The following CSMD3 variants were observed in gnomAD, a reference collection of about 807,000 sequenced individuals.
CSMD3 encodes the protein CUB and Sushi multiple domains 3, also known as CUB and sushi domain-containing protein 3.
In CSMD3, 177 loss-of-function variants were observed where a neutral mutation model predicts 435.2. The ratio of observed to expected loss-of-function variants is 0.41; its 90% CI spans 0.36 to 0.46. The LOEUF (loss-of-function observed/expected upper bound fraction) is 0.46, where lower values mean the gene tolerates loss of function less well. Among genes scored for constraint, CSMD3 ranks in the 20% least tolerant of loss-of-function variants. The probability of loss-of-function intolerance (pLI) is 0.34; values close to 1 mark genes in which losing one functional copy is unlikely to be tolerated. For missense variants in CSMD3, 4,265 were observed against 4,504.6 expected (o/e 0.95, Z 1.52); for synonymous variants, 1,656 against 1,520.5 (o/e 1.09, Z -2.07).
At chr8:112,598,775 T>C (rs1204726688) in intron 22 of CSMD3, among the ~76,000 whole-genome samples, 2 of 152,056 alleles carry the variant, frequency 1.3e-5, no homozygotes, top group African/African-American at 2.4e-5. Context: ...GGGAAAGGAT[T>C]CCCTATTTAA....
At chr8:112,745,835 C>T (rs1164239617) in intron 13 of CSMD3, among the ~76,000 whole-genome samples, 2 of 151,920 alleles carry the variant, frequency 1.3e-5, no homozygotes, top group Non-Finnish European at 2.9e-5. Context: ...CTTTAAATGT[C>T]TAACATAACT....
chr8:113,008,888 G>GA (rs1233852870), intron 6 of CSMD3, among the ~76,000 whole-genome samples: 2 of 150,670 alleles, frequency 1.3e-5, no homozygotes, highest in Non-Finnish European at 1.5e-5. Context: ...TATTCCCATA[G>GA]AAAAAAATCA....
At chr8:112,573,466 A>G (rs1829695329) in intron 24 of CSMD3, 35 bp downstream of exon 24, 2 of 1,546,108 alleles carry the variant, frequency 1.3e-6, no homozygotes, top group South Asian at 2.2e-5. Context: ...GCAGCACCCC[A>G]GTGTTTGGCC....
At chr8:113,269,023 A>G (rs569229135) in intron 3 of CSMD3, among the ~76,000 whole-genome samples, 2 of 152,282 alleles carry the variant, frequency 1.3e-5, no homozygotes, top group East Asian at 3.9e-4. Flanking sequence ...CTGGAATCCA[A>G]GATAATTGCA....
At chr8:113,422,040 T>C (rs1431879893) in intron 1 of CSMD3, among the ~76,000 whole-genome samples, 1 of 152,198 alleles carries the variant, frequency 6.6e-6, no homozygotes, top group African/African-American at 2.4e-5. Flanking sequence ...CATTGTATTC[T>C]GGAACTCACT....
intron 13 of CSMD3, among the ~76,000 whole-genome samples, chr8:112,786,662 G>T (rs189384588): frequency 5.1e-4 from 77 of 152,060 alleles, no homozygotes; most frequent in Non-Finnish European, 9.6e-4. Context: ...TATATGATAA[G>T]GTGCTCAACA....
intron 1 of CSMD3, among the ~76,000 whole-genome samples, chr8:113,343,044 A>G (rs2094130367): frequency 6.6e-6 from 1 of 151,910 alleles, no homozygotes. Context: ...TAGGAAGAAA[A>G]GAAGGAAGAA....
intron 31 of CSMD3, among the ~76,000 whole-genome samples, chr8:112,482,757 A>G (rs1819753265): frequency 6.6e-6 from 1 of 152,194 alleles, no homozygotes; most frequent in African/African-American, 2.4e-5. Flanking sequence ...TTAAAGGGAA[A>G]AGCGCTCTTT....
Position 112,511,535 on chromosome 8 carries a change from G to A in CSMD3, c.4757-4706C>T, listed in dbSNP as rs1051456064. Among the ~76,000 whole-genome samples the A allele has an allele frequency of 2.6e-5, 4 of 151,674 alleles. No homozygotes were observed. In the East Asian group the frequency reaches 5.8e-4, roughly 22 times the overall value. On this transcript the variant is annotated intron_variant, in intron 28 of 70. Transcript: ENST00000297405. Reference sequence around the variant, plus strand: ...CTCCTGAGTAGCTGGGACTACAGGCGCCTGCCACCATGCCTGGCTAATTTT... The same window carrying A: ...CTCCTGAGTAGCTGGGACTACAGGCACCTGCCACCATGCCTGGCTAATTTT...
intron 59 of CSMD3, among the ~76,000 whole-genome samples, chr8:112,266,302 T>C (rs973346282): frequency 2.6e-5 from 4 of 152,098 alleles, no homozygotes; most frequent in African/African-American, 9.7e-5. Flanking sequence ...ATGGATGAGC[T>C]GGGTGGAGGG....
chr8:112,472,239 C>T (rs532306313), intron 32 of CSMD3, among the ~76,000 whole-genome samples: 343 of 152,244 alleles, frequency 2.3e-3, no homozygotes, highest in African/African-American at 7.8e-3. Context: ...CAATATTTGA[C>T]TTAATACATA....
At chr8:113,224,898 T>C (rs555778776) in intron 3 of CSMD3, among the ~76,000 whole-genome samples, 10 of 151,494 alleles carry the variant, frequency 6.6e-5, no homozygotes, top group African/African-American at 2.4e-4. Context: ...CATTTGCTTA[T>C]TGAAATAGAA....
chr8:112,936,780 A>T (rs2130740879), intron 9 of CSMD3, among the ~76,000 whole-genome samples: 1 of 152,228 alleles, frequency 6.6e-6, no homozygotes, highest in East Asian at 1.9e-4. Context: ...ATATACTCAC[A>T]CTACCCAGCC....
intron 13 of CSMD3, among the ~76,000 whole-genome samples, chr8:112,726,544 T>C (rs1347793695): frequency 6.6e-6 from 1 of 151,888 alleles, no homozygotes; most frequent in Admixed American, 6.6e-5. Flanking sequence ...CATATATTTT[T>C]CTAAACCTAG....
chr8:113,302,294 A>ATATAATATTATATATATTATAT (rs1423825506), intron 2 of CSMD3, among the ~76,000 whole-genome samples: 3,460 of 14,492 alleles, frequency 0.24, 66 homozygotes, highest in Middle Eastern at 0.43. Context: ...TATATAATAT[A>ATATAATATTATATATATTATAT]ATATAATATA....
chr8:112,349,937 C>G (rs1825995271), intron 40 of CSMD3, among the ~76,000 whole-genome samples: 1 of 151,946 alleles, frequency 6.6e-6, no homozygotes, highest in Non-Finnish European at 1.5e-5. Flanking sequence ...GGAGATAGGG[C>G]CTTAATGAAG....
At chr8:112,382,167 C>T (rs527911660) in intron 37 of CSMD3, among the ~76,000 whole-genome samples, 1 of 151,588 alleles carries the variant, frequency 6.6e-6, no homozygotes, top group South Asian at 2.1e-4. Context: ...GACTGCAGTC[C>T]CAGCTACTCA....
At chr8:113,399,106 T>TATATATACACAC (rs773585004) in intron 1 of CSMD3, among the ~76,000 whole-genome samples, 2,130 of 94,914 alleles carry the variant, frequency 0.022, 40 homozygotes, top group Admixed American at 0.042. Flanking sequence ...TATATATATA[T>TATATATACACAC]ACACACACAC....
chr8:112,818,161 A>G (rs1356269422), intron 12 of CSMD3, among the ~76,000 whole-genome samples: 2 of 152,034 alleles, frequency 1.3e-5, no homozygotes, highest in Non-Finnish European at 2.9e-5. Context: ...AAACAAAATG[A>G]AACACAAAAA....
Sources: gnomAD v4.1 joint callset for allele counts (sites outside exome capture counted in the v4.1 genomes callset) on GRCh38, gnomAD v4.1.1 for gene constraint, MANE v1.5 for transcripts, NCBI Gene and HGNC (gene_info 2026-07-23, HGNC 2026-07-21) for gene names.